LRRC7: variants seen among roughly 807,000 people sequenced by gnomAD.
LRRC7 encodes leucine rich repeat containing 7.
LRRC7 carries 23 observed loss-of-function variants against 175.7 expected under a neutral mutation model. The ratio of observed to expected loss-of-function variants is 0.13; its 90% CI spans 0.09 to 0.19. LRRC7 has a LOEUF of 0.19. LRRC7 is among the 10% of genes least tolerant of loss of function. The pLI, the probability that LRRC7 is intolerant of heterozygous loss-of-function variation, is 1.00. For synonymous variants in LRRC7, 685 were observed against 680.9 expected (o/e 1.01, Z -0.09); for missense variants, 1,354 against 1,904.7 (o/e 0.71, Z 5.38).
intron 2 of LRRC7, among the ~76,000 whole-genome samples, chr1:69,718,820 T>C (rs1013578007): frequency 6.6e-6 from 1 of 151,808 alleles, no homozygotes; most frequent in Admixed American, 6.6e-5. Flanking sequence ...TAAATGCTCC[T>C]GAAAATTCTA....
At chr1:69,781,924 G>GAAAGAAAGAAA in intron 3 of LRRC7, among the ~76,000 whole-genome samples, 1 of 139,460 alleles carries the variant, frequency 7.2e-6, no homozygotes, top group East Asian at 2.1e-4. Flanking sequence ...AAGAAAGAAA[G>GAAAGAAAGAAA]AAAGAAAGAA....
chr1:69,578,871 A>C (rs1191855609), intron 1 of LRRC7, among the ~76,000 whole-genome samples: 1 of 151,444 alleles, frequency 6.6e-6, no homozygotes, highest in Non-Finnish European at 1.5e-5. Context: ...GCAGCACACC[A>C]GCATGGCACA....
chr1:69,721,167 C>T (rs895933505), intron 2 of LRRC7, among the ~76,000 whole-genome samples: 3 of 151,796 alleles, frequency 2.0e-5, no homozygotes, highest in East Asian at 1.9e-4. Flanking sequence ...CCCCCACTAC[C>T]GACATCCCAC....
At chr1:69,643,689 C>T (rs1362655237) in intron 1 of LRRC7, among the ~76,000 whole-genome samples, 2 of 152,098 alleles carry the variant, frequency 1.3e-5, no homozygotes, top group African/African-American at 4.8e-5. Context: ...AACTTCTTTG[C>T]TCTCTTTACT....
In LRRC7 at chr1:70,126,143, A is replaced by T. The variant is rs1284924221; in HGVS notation, c.*4256A>T. 6.6e-6 allele frequency among the ~76,000 whole-genome samples: 1 copy of T among 152,112 alleles called. No individual in the cohort carries two copies. Among genetic ancestry groups the T allele is most frequent in the African/African-American group, 2.4e-5 (1 of 41,430 alleles). On this transcript the variant is annotated 3_prime_UTR_variant, in exon 27 of 27. Transcript: ENST00000651989. ...AAATATGTCTGATGAATACATTCTC[A>T]TCAAGAGGCAAGAATACAACATAAC...
Position 70,097,967 on chromosome 1 carries a change from G to T in LRRC7, c.4545+8148G>T, listed in dbSNP as rs1475596533. The stretch of plus-strand genomic sequence containing the variant: ...AGCAGCATGATTTATAGTCCTTTGG[G>T]TATATACCCAGTAATGGGATGGCTG... On this transcript the variant is annotated intron_variant, in intron 25 of 26. Coordinates refer to ENST00000651989, the MANE Select transcript of LRRC7 (RefSeq NM_001370785.2). Among the ~76,000 whole-genome samples, 3 of 150,776 alleles carry T rather than the reference G, an allele frequency of 2.0e-5. 1 individual carries two copies. Among genetic ancestry groups the T allele is most frequent in the South Asian group, 4.2e-4 (2 of 4,712 alleles).
intron 18 of LRRC7, among the ~76,000 whole-genome samples, chr1:70,029,774 A>G (rs1469772755): frequency 6.6e-6 from 1 of 152,182 alleles, no homozygotes; most frequent in Non-Finnish European, 1.5e-5. Context: ...TAATTTTACT[A>G]TAAAATAAGA....
At chr1:69,862,139 T>C (rs1684421972) in intron 7 of LRRC7, among the ~76,000 whole-genome samples, 1 of 152,118 alleles carries the variant, frequency 6.6e-6, no homozygotes, top group Non-Finnish European at 1.5e-5. Context: ...GTATCCTTGG[T>C]AAAGAAGTCT....
chr1:69,834,858 C>T lies in LRRC7; in HGVS notation c.579C>T (p.Ala193=). Reference sequence around the variant, plus strand: ...ACGCCTTTCTTGAATTTCTTCCAGCCAATTTTGGAAGGTAAGAATAAGAAA... The same window carrying T: ...ACGCCTTTCTTGAATTTCTTCCAGCTAATTTTGGAAGGTAAGAATAAGAAA... The part of the protein sequence containing the change: ...LNDAFLEFLP[A]NFGRLVKLRI... Residue 193 remains alanine, a synonymous_variant, in exon 6 of 27, where the codon GCC becomes GCT. Coordinates refer to ENST00000651989, the MANE Select transcript of LRRC7 (RefSeq NM_001370785.2). 3 of 1,612,302 alleles carry T rather than the reference C, an allele frequency of 1.9e-6. No individual in the cohort carries two copies. The highest frequency in any genetic ancestry group is 2.5e-6 in the Non-Finnish European group (3 of 1,178,712).
At chr1:69,615,292 C>T (rs1569946971) in intron 1 of LRRC7, among the ~76,000 whole-genome samples, 2 of 151,918 alleles carry the variant, frequency 1.3e-5, no homozygotes, top group South Asian at 4.1e-4. Context: ...TCCCTTGGAG[C>T]TAGGGTCGGG....
In LRRC7 at chr1:69,715,300, T is replaced by C. The variant is rs77479995; in HGVS notation, c.100+36822T>C. Among the ~76,000 whole-genome samples the C allele has an allele frequency of 2.7e-3, 416 of 152,318 alleles. 5 individuals are homozygous for C. In the East Asian group the frequency reaches 0.045, roughly 16 times the overall value. On this transcript the variant is annotated intron_variant, in intron 2 of 26. Transcript: ENST00000651989. ...GGAAATTCTCTATAGTCCTGACTTA[T>C]ACATTTAATGATTATATAGAGAGTC... is the stretch of plus-strand genomic sequence containing the variant.
chr1:69,868,224 G>T (rs1685142813), intron 7 of LRRC7, among the ~76,000 whole-genome samples: 1 of 151,922 alleles, frequency 6.6e-6, no homozygotes, highest in African/African-American at 2.4e-5. Context: ...GCAAAATTTT[G>T]TACAATAAAA....
At chr1:70,005,072 G>A (rs1285734665) in intron 11 of LRRC7, among the ~76,000 whole-genome samples, 1 of 151,776 alleles carries the variant, frequency 6.6e-6, no homozygotes, top group Admixed American at 6.6e-5. Context: ...CACTTTAATG[G>A]GATGTGATAT....
At chr1:69,878,525 T>C (rs1462530112) in intron 7 of LRRC7, among the ~76,000 whole-genome samples, 2 of 152,098 alleles carry the variant, frequency 1.3e-5, no homozygotes, top group African/African-American at 2.4e-5. Flanking sequence ...GTCATTCAAG[T>C]CGTAAAAATT....
chr1:69,930,004 C>T (rs997309431), intron 7 of LRRC7, among the ~76,000 whole-genome samples: 9 of 152,128 alleles, frequency 5.9e-5, no homozygotes, highest in Admixed American at 5.2e-4. Flanking sequence ...TGCCTTGGCT[C>T]CAATTTCGTA....
At chr1:70,043,793 T>C (rs932197260) in intron 21 of LRRC7, among the ~76,000 whole-genome samples, 161 bp from the exon 22 acceptor site, 8 of 152,228 alleles carry the variant, frequency 5.3e-5, no homozygotes, top group African/African-American at 1.7e-4. Flanking sequence ...TAACTAACAC[T>C]GTTTACTGTA....
At chr1:69,873,492 T>A (rs762229988) in intron 7 of LRRC7, 1 of 533,208 alleles carries the variant, frequency 1.9e-6, no homozygotes, top group East Asian at 5.5e-5. Flanking sequence ...AGTGTGCCCC[T>A]TGCCCAATCG....
At chr1:70,093,802 C>T (rs1458903694) in intron 25 of LRRC7, among the ~76,000 whole-genome samples, 3 of 152,126 alleles carry the variant, frequency 2.0e-5, no homozygotes, top group Non-Finnish European at 4.4e-5. Flanking sequence ...ATATTCTTTG[C>T]TTGTATGTAA....
At chr1:69,816,564 G>A (rs552398522) in intron 4 of LRRC7, among the ~76,000 whole-genome samples, 1 of 152,264 alleles carries the variant, frequency 6.6e-6, no homozygotes, top group Admixed American at 6.5e-5. Flanking sequence ...AGTGAAAAAG[G>A]TGTTGAAACA....
Sources: gnomAD v4.1 joint callset for allele counts (sites outside exome capture counted in the v4.1 genomes callset) on GRCh38, gnomAD v4.1.1 for gene constraint, MANE v1.5 for transcripts, NCBI Gene and HGNC (gene_info 2026-07-23, HGNC 2026-07-21) for gene names.